CTNNA2: variants seen among roughly 807,000 people sequenced by gnomAD.
The protein encoded by CTNNA2 is catenin alpha 2.
A neutral mutation model predicts 101.0 loss-of-function variants in CTNNA2; 42 were observed. The observed-to-expected ratio is 0.42, with a 90% CI of 0.32 to 0.54. The LOEUF is 0.54. Ranked by LOEUF, CTNNA2 falls within the 20% of genes least tolerant of loss-of-function variation. CTNNA2 has a pLI of 0.14. For missense variants in CTNNA2, 871 were observed against 1,223.1 expected (o/e 0.71, Z 4.29); for synonymous variants, 450 against 456.4 (o/e 0.99, Z 0.18).
intron 2 of CTNNA2, among the ~76,000 whole-genome samples, chr2:79,695,426 G>A (rs1471794543): frequency 6.6e-6 from 1 of 151,984 alleles, no homozygotes; most frequent in Non-Finnish European, 1.5e-5. Flanking sequence ...AAAAGGAACA[G>A]GAATTTATGT....
chr2:79,212,957 A>T (rs188942788), intron 2 of CTNNA2, among the ~76,000 whole-genome samples: 1 of 152,202 alleles, frequency 6.6e-6, no homozygotes, highest in Non-Finnish European at 1.5e-5. Context: ...AAAGGAAATG[A>T]GAGGTTCTAA....
chr2:79,764,547 C>T (rs1380939171), intron 3 of CTNNA2, among the ~76,000 whole-genome samples: 2 of 152,088 alleles, frequency 1.3e-5, no homozygotes, highest in Admixed American at 6.5e-5. Flanking sequence ...TATAACATTA[C>T]ATCCTTAAGA....
chr2:79,471,919 A>C (rs1454131368), intron 4 of CTNNA2, among the ~76,000 whole-genome samples: 1 of 152,138 alleles, frequency 6.6e-6, no homozygotes, highest in Non-Finnish European at 1.5e-5. Flanking sequence ...GGCCCCTTAA[A>C]ATTCATGTTC....
chr2:79,935,200 G>A (rs1687695683), intron 7 of CTNNA2, among the ~76,000 whole-genome samples: 1 of 152,256 alleles, frequency 6.6e-6, no homozygotes, highest in African/African-American at 2.4e-5. Context: ...TCTGCTGACA[G>A]CCATACTAGG....
intron 2 of CTNNA2, among the ~76,000 whole-genome samples, chr2:79,715,711 T>C (rs2104833324): frequency 6.6e-6 from 1 of 152,278 alleles, no homozygotes; most frequent in East Asian, 1.9e-4. Context: ...GGGAGGGGAC[T>C]AAATATGAAA....
At chr2:79,403,474 G>T (rs1208165920) in intron 4 of CTNNA2, among the ~76,000 whole-genome samples, 1 of 151,920 alleles carries the variant, frequency 6.6e-6, no homozygotes, top group Non-Finnish European at 1.5e-5. Flanking sequence ...TAGCCAGATG[G>T]CTGGGGGGAC....
At chr2:80,117,343 G>A (rs1206393521) in intron 7 of CTNNA2, among the ~76,000 whole-genome samples, 1 of 152,068 alleles carries the variant, frequency 6.6e-6, no homozygotes, top group Non-Finnish European at 1.5e-5. Flanking sequence ...AATTCCGTAT[G>A]TATGTGGATG....
rs377184221 is a variant in CTNNA2, at chr2:79,285,177, A to G, written c.-405-27532A>G. 1.1e-3 allele frequency among the ~76,000 whole-genome samples: 168 copies of G among 151,386 alleles called. 2 individuals are homozygous for G. The East Asian group carries it at 0.028, about 25-fold the overall frequency. On this transcript the variant is annotated intron_variant, in intron 2 of 21. Coordinates refer to the CTNNA2 transcript ENST00000466387. Reference sequence around the variant, plus strand: ...TTATTAGTCTTGCTAGCGGTCTATCAATTTTGTTGATCCTTTCAAAAAACC... The same window carrying G: ...TTATTAGTCTTGCTAGCGGTCTATCGATTTTGTTGATCCTTTCAAAAAACC...
chr2:80,275,765 A>G (rs1573573018), intron 7 of CTNNA2, among the ~76,000 whole-genome samples: 1 of 152,308 alleles, frequency 6.6e-6, no homozygotes, highest in East Asian at 1.9e-4. Context: ...CGGAAAAATA[A>G]TCTAAATTGT....
intron 9 of CTNNA2, among the ~76,000 whole-genome samples, chr2:80,468,394 C>T (rs899633279): frequency 2.6e-5 from 4 of 151,800 alleles, no homozygotes; most frequent in African/African-American, 4.8e-5. Context: ...GATGTTATTG[C>T]GTCATGTGCT....
intron 2 of CTNNA2, among the ~76,000 whole-genome samples, chr2:79,242,989 T>TAC (rs1443193633): frequency 8.2e-4 from 76 of 92,138 alleles, no homozygotes; most frequent in African/African-American, 2.3e-3. Flanking sequence ...TATATATATA[T>TAC]ATATACACAC....
At chr2:79,750,594 G>A (rs183124233) in intron 3 of CTNNA2, among the ~76,000 whole-genome samples, 5 of 152,320 alleles carry the variant, frequency 3.3e-5, no homozygotes, top group Non-Finnish European at 5.9e-5. Context: ...CGGGCGTGGC[G>A]ACTTGCGCCT....
At chr2:80,590,434 G>T (rs68097972) in intron 15 of CTNNA2, among the ~76,000 whole-genome samples, 3,573 of 39,722 alleles carry the variant, frequency 0.09, 102 homozygotes, top group East Asian at 0.32. Flanking sequence ...TTACTGTAGT[G>T]TTTTTTTTTC....
At chr2:80,636,957 TATTTTCCTATTCCCC>T (rs1672952325) in intron 18 of CTNNA2, among the ~76,000 whole-genome samples, 1 of 152,186 alleles carries the variant, frequency 6.6e-6, no homozygotes, top group Non-Finnish European at 1.5e-5. Context: ...TAAGTGTTGG[TATTTTCCTATTCCCC>T]TCATGAACTT....
chr2:80,163,370 A>G (rs1704457986), intron 7 of CTNNA2, among the ~76,000 whole-genome samples: 2 of 152,138 alleles, frequency 1.3e-5, no homozygotes, highest in Admixed American at 1.3e-4. Flanking sequence ...TGATCCATAA[A>G]TTAAGAAGTG....
At chr2:80,308,049 G>C (rs550639653) in intron 7 of CTNNA2, among the ~76,000 whole-genome samples, 3 of 152,168 alleles carry the variant, frequency 2.0e-5, no homozygotes, top group Non-Finnish European at 4.4e-5. Context: ...GGGAAGAGTC[G>C]ATTAATTCCT....
chr2:80,054,262 T>A (rs942260838), intron 7 of CTNNA2, among the ~76,000 whole-genome samples: 1 of 152,154 alleles, frequency 6.6e-6, no homozygotes, highest in South Asian at 2.1e-4. Flanking sequence ...TAAAAACAAC[T>A]CCAGCGGGTT....
intron 2 of CTNNA2, among the ~76,000 whole-genome samples, chr2:79,240,229 A>T (rs1282059802): frequency 2.7e-4 from 41 of 149,558 alleles, no homozygotes; most frequent in African/African-American, 5.6e-4. Flanking sequence ...TTTTTTTTTT[A>T]AACTTTTAAT....
At chr2:79,244,542 A>G (rs1318713237) in intron 2 of CTNNA2, among the ~76,000 whole-genome samples, 2 of 152,164 alleles carry the variant, frequency 1.3e-5, no homozygotes, top group Non-Finnish European at 2.9e-5. Flanking sequence ...CACAGAAGCT[A>G]TGGGGAGGAA....
Sources: gnomAD v4.1 joint callset for allele counts (sites outside exome capture counted in the v4.1 genomes callset) on GRCh38, gnomAD v4.1.1 for gene constraint, MANE v1.5 for transcripts, NCBI Gene and HGNC (gene_info 2026-07-23, HGNC 2026-07-21) for gene names.